The following RARB variants were observed in gnomAD, a reference collection of about 807,000 sequenced individuals.
The protein encoded by RARB is HBV-activated protein.
RARB carries 17 observed loss-of-function variants against 51.9 expected under a neutral mutation model. That is an observed-to-expected ratio of 0.33 (90% CI 0.22 to 0.49). The LOEUF is 0.49. Among genes scored for constraint, RARB ranks in the 20% least tolerant of loss-of-function variants. The pLI, the probability that RARB is intolerant of heterozygous loss-of-function variation, is 0.99. For synonymous variants in RARB, 215 were observed against 195.4 expected (o/e 1.10, Z -0.84); for missense variants, 369 against 550.8 (o/e 0.67, Z 3.30).
intron 5 of RARB, among the ~76,000 whole-genome samples, chr3:25,399,711 A>G (rs75084586): frequency 0.016 from 2,368 of 152,278 alleles, 57 homozygotes; most frequent in African/African-American, 0.051. Context: ...ATGGAACTCA[A>G]TCCTAGCTGG....
At chr3:25,400,114 A>T (rs1035392272) in intron 5 of RARB, among the ~76,000 whole-genome samples, 1 of 152,192 alleles carries the variant, frequency 6.6e-6, no homozygotes, top group African/African-American at 2.4e-5. Context: ...CTGGAAGAAG[A>T]GGCAGATCAT....
chr3:25,148,532 A>G (rs4681039), intron 4 of RARB, among the ~76,000 whole-genome samples: 73,764 of 152,064 alleles, frequency 0.49, 18,489 homozygotes, highest in East Asian at 0.71. Context: ...GGCCATTTCT[A>G]CGGTATTTAC....
chr3:25,236,941 T>C (rs1162782101), intron 5 of RARB, among the ~76,000 whole-genome samples: 2 of 118,908 alleles, frequency 1.7e-5, no homozygotes, highest in African/African-American at 3.2e-5. Flanking sequence ...ATTATTCTGA[T>C]AATTCTGTTC....
chr3:25,023,202 A>G (rs1697674699), intron 2 of RARB, among the ~76,000 whole-genome samples: 1 of 152,088 alleles, frequency 6.6e-6, no homozygotes, highest in Admixed American at 6.5e-5. Context: ...TGTTACCATA[A>G]CCTTGGGACC....
At chr3:25,161,986 A>T (rs929949070) in intron 4 of RARB, among the ~76,000 whole-genome samples, 57 of 152,186 alleles carry the variant, frequency 3.7e-4, no homozygotes, top group African/African-American at 1.4e-3. Context: ...ACACAAGACA[A>T]TCTGGCCTCA....
intron 2 of RARB, among the ~76,000 whole-genome samples, chr3:24,964,083 A>G (rs922401230): frequency 6.6e-6 from 1 of 152,006 alleles, no homozygotes; most frequent in African/African-American, 2.4e-5. Flanking sequence ...TTTGATTGCC[A>G]AAGTCCTTTC....
chr3:25,367,101 T>C (rs1056801754), intron 5 of RARB, among the ~76,000 whole-genome samples: 1 of 152,160 alleles, frequency 6.6e-6, no homozygotes, highest in South Asian at 2.1e-4. Context: ...CATGTGAAAC[T>C]AGAGATCTAA....
intron 1 of RARB, among the ~76,000 whole-genome samples, chr3:25,447,182 T>G (rs1272792860): frequency 1.3e-5 from 2 of 152,210 alleles, no homozygotes; most frequent in African/African-American, 4.8e-5. Context: ...TTATTTCACA[T>G]CACATGTAAG....
At chr3:25,070,790 A>T (rs1404298668) in intron 3 of RARB, among the ~76,000 whole-genome samples, 1 of 152,208 alleles carries the variant, frequency 6.6e-6, no homozygotes, top group East Asian at 1.9e-4. Flanking sequence ...TGCAGGCATC[A>T]GTCACTTCAT....
intron 2 of RARB, among the ~76,000 whole-genome samples, chr3:24,921,681 A>G (rs982293476): frequency 6.6e-6 from 1 of 152,118 alleles, no homozygotes; most frequent in Admixed American, 6.6e-5. Flanking sequence ...AGACCTCAGC[A>G]TCTCCCCAGA....
intron 3 of RARB, among the ~76,000 whole-genome samples, chr3:25,100,199 T>A (rs886144970): frequency 6.6e-6 from 1 of 152,158 alleles, no homozygotes; most frequent in African/African-American, 2.4e-5. Context: ...GTTTTTATAT[T>A]TACAGCCTGG....
At position 24,915,533 on chromosome 3, in the gene RARB, G is replaced by T. The variant is rs576257900; in HGVS notation, c.-380+56781G>T. Among the ~76,000 whole-genome samples, 3 of 152,292 alleles carry T rather than the reference G, an allele frequency of 2.0e-5. No homozygotes were observed. In the South Asian group the frequency reaches 6.2e-4, roughly 32 times the overall value. ...CCAGACCAAAGACTGCTCATAAATT[G>T]CTAGGAAATCATGCCTGATCCATTG... On this transcript the variant is annotated intron_variant, in intron 2 of 11. Transcript: ENST00000383772.
chr3:24,958,265 T>TGA (rs1696063816), intron 2 of RARB, among the ~76,000 whole-genome samples: 1 of 118,848 alleles, frequency 8.4e-6, no homozygotes, highest in Non-Finnish European at 1.6e-5. Context: ...GTTTTTTTTT[T>TGA]TTTTTTTTTT....
At chr3:25,266,481 C>A in intron 5 of RARB, among the ~76,000 whole-genome samples, 1 of 151,810 alleles carries the variant, frequency 6.6e-6, no homozygotes, top group East Asian at 1.9e-4. Context: ...AATATTTTTT[C>A]TTAATTTTAC....
chr3:25,226,006 G>T (rs927075524), intron 5 of RARB, among the ~76,000 whole-genome samples: 1 of 152,092 alleles, frequency 6.6e-6, no homozygotes, highest in African/African-American at 2.4e-5. Flanking sequence ...TAAATCTCTT[G>T]CAGTTTGAAT....
chr3:25,419,320 A>G (rs1478516388), intron 5 of RARB, among the ~76,000 whole-genome samples: 4 of 152,134 alleles, frequency 2.6e-5, no homozygotes, highest in South Asian at 2.1e-4. Context: ...CTCAAATGCC[A>G]AAGTGCCATA....
At chr3:24,936,963 A>C (rs1420370346) in intron 2 of RARB, among the ~76,000 whole-genome samples, 1 of 152,232 alleles carries the variant, frequency 6.6e-6, no homozygotes. Flanking sequence ...AATATCTATG[A>C]GGAGCCTGGA....
At chr3:25,097,308 A>C (rs1197223746) in intron 3 of RARB, among the ~76,000 whole-genome samples, 1 of 152,218 alleles carries the variant, frequency 6.6e-6, no homozygotes, top group Non-Finnish European at 1.5e-5. Context: ...GAGAAGCAGC[A>C]TGGTTTAAAA....
chr3:24,967,739 G>C (rs1230343264), intron 2 of RARB, among the ~76,000 whole-genome samples: 2 of 152,070 alleles, frequency 1.3e-5, no homozygotes, highest in Non-Finnish European at 2.9e-5. Flanking sequence ...CATCATCTTT[G>C]ACCCAAAGGC....
Sources: gnomAD v4.1 joint callset for allele counts (sites outside exome capture counted in the v4.1 genomes callset) on GRCh38, gnomAD v4.1.1 for gene constraint, MANE v1.5 for transcripts, NCBI Gene and HGNC (gene_info 2026-07-23, HGNC 2026-07-21) for gene names.